Variants in ZNF814 observed in about 807,000 individuals in gnomAD.
The protein encoded by ZNF814 is zinc finger protein 814.
ZNF814 carries 5 observed loss-of-function variants against 7.5 expected under a neutral mutation model. The ratio of observed to expected loss-of-function variants is 0.67; its 90% CI spans 0.35 to 1.40. The LOEUF (loss-of-function observed/expected upper bound fraction) is 1.40, where lower values mean the gene tolerates loss of function less well. ZNF814 is among the 40% of genes most tolerant of loss of function. The pLI is 0.04. For missense variants in ZNF814, 962 were observed against 1,018.0 expected, an observed-to-expected ratio of 0.94 and a Z score of 0.75; for synonymous variants, 315 against 340.7, an observed-to-expected ratio of 0.92 and a Z score of 0.83.
At chr19:57,883,461 G>C (rs1454574759) in intron 1 of ZNF814, among the ~76,000 whole-genome samples, 1 of 151,564 alleles carries the variant, frequency 6.6e-6, no homozygotes, top group Non-Finnish European at 1.5e-5. Flanking sequence ...AAGAGATCGA[G>C]ACTATTCTGG....
At position 57,877,036 on chromosome 19, in the gene ZNF814, C is replaced by G. The variant is rs748131961; in HGVS notation, c.43G>C (p.Val15Leu). The change falls in exon 2 of 3, where the codon GTG becomes CTG. Residue 15 changes from valine (V) to leucine (L), a missense_variant. Coordinates refer to ENST00000435989, the MANE Select transcript of ZNF814 (RefSeq NM_001144989.2). ...TTCACAGCCACATCTTCAAAAGTCA[C>G]TGTGCCCTGTTATGATGTTGACAGA... ...ATLRLSAQGT[V>L]TFEDVAVNFT... 3 of 1,614,104 alleles carry G rather than the reference C, an allele frequency of 1.9e-6. No individual in the cohort carries two copies. In the Admixed American group the frequency reaches 5.0e-5, roughly 27 times the overall value.
upstream of ZNF814, among the ~76,000 whole-genome samples, chr19:57,889,709 A>G (rs1370919725): frequency 1.3e-5 from 2 of 152,128 alleles, no homozygotes; most frequent in African/African-American, 4.8e-5. Flanking sequence ...TACTAAAAAT[A>G]CAAAAATTAA....
At chr19:57,878,694 A>C (rs2122444021) in intron 1 of ZNF814, among the ~76,000 whole-genome samples, 1 of 152,206 alleles carries the variant, frequency 6.6e-6, no homozygotes, top group Non-Finnish European at 1.5e-5. Context: ...CCTGATGTCA[A>C]ATGATCCACC....
intron 1 of ZNF814, among the ~76,000 whole-genome samples, chr19:57,888,440 T>A (rs1179218232): frequency 1.3e-5 from 2 of 152,190 alleles, no homozygotes; most frequent in Non-Finnish European, 2.9e-5. Flanking sequence ...CCATGCCTTC[T>A]AGGGTCCTCA....
At chr19:57,904,274 C>T in the ZNF814 span, among the ~76,000 whole-genome samples, 11 of 152,194 alleles carry the variant, frequency 7.2e-5, no homozygotes, top group South Asian at 1.7e-3. Context: ...CACATCCGCA[C>T]GTCCTCTCCA....
At position 57,870,118 on chromosome 19, in the gene ZNF814, T is replaced by G. The variant is rs1380373092; in HGVS notation, c.*2704A>C. ...AGCTGGGTATGGTGGCGGGCACCTGTAGTCCCAGCTACTTGGGAGGCTGAG... is the reference window on the plus strand; with the variant it reads ...AGCTGGGTATGGTGGCGGGCACCTGGAGTCCCAGCTACTTGGGAGGCTGAG... On this transcript the variant is annotated 3_prime_UTR_variant, in exon 3 of 3. Coordinates refer to ENST00000435989, the MANE Select transcript of ZNF814 (RefSeq NM_001144989.2). 6.6e-6 allele frequency: 1 copy of G among 151,168 alleles called. No homozygotes were observed. Among genetic ancestry groups the G allele is most frequent in the African/African-American group, 2.4e-5 (1 of 41,014 alleles). 9.4% of individuals were successfully genotyped at this position (151,168 alleles called of 1,614,324 possible). A position where few individuals can be genotyped will look rare whatever the true frequency, so the allele number is the denominator to read the frequency against.
At position 57,873,069 on chromosome 19, in the gene ZNF814, C is replaced by T. The variant is rs962569677; in HGVS notation, c.2321G>A (p.Cys774Tyr). 3.8e-5 allele frequency: 61 copies of T among 1,613,826 alleles called. No individual in the cohort carries two copies. Among genetic ancestry groups the T allele is most frequent in the Non-Finnish European group, 4.8e-5 (57 of 1,179,952 alleles). The change falls in exon 3 of 3, where the codon TGC (cysteine) becomes TAC (tyrosine). Residue 774 changes from cysteine to tyrosine, a missense_variant. Transcript: ENST00000435989. ...RIHTGEKPYE[C>Y]SECGKSFAES... ...AGCGAAAGATTTTCCACATTCACTG[C>T]ACTCATAAGGCTTTTCTCCAGTGTG...
At chr19:57,894,882 C>T in the ZNF814 span, among the ~76,000 whole-genome samples, 5 of 151,852 alleles carry the variant, frequency 3.3e-5, no homozygotes, top group Non-Finnish European at 7.4e-5. Flanking sequence ...TCTTATTGCT[C>T]ATAGCTGTTA....
At chr19:57,875,289 A>C in intron 2 of ZNF814, 63 bp from the exon 3 acceptor site, 1 of 1,593,176 alleles carries the variant, frequency 6.3e-7, no homozygotes, top group East Asian at 2.2e-5. Flanking sequence ...CAGACCACCC[A>C]CAAGTGTATC....
At position 57,869,436 on chromosome 19, in the gene ZNF814, GTACTC is replaced by G. The variant is rs2071537001; in HGVS notation, c.*3381_*3385del. ...CATCTAACATTCCAGAAAATGGAAA[GTACTC>G]TACTGTACAGCAAAGTAAATCATTG... On this transcript the variant is annotated 3_prime_UTR_variant, in exon 3 of 3. Transcript: ENST00000435989. The G allele has an allele frequency of 2.0e-5, 3 of 151,712 alleles. No homozygotes were observed. The highest frequency in any genetic ancestry group is 7.3e-5 in the African/African-American group (3 of 41,358). The allele number at this position is 151,712 out of a possible 1,614,324, so 9.4% of individuals were successfully genotyped here. A position where few individuals can be genotyped will look rare whatever the true frequency, so the allele number is the denominator to read the frequency against.
At chr19:57,896,077 A>G in the ZNF814 span, among the ~76,000 whole-genome samples, 22 of 149,422 alleles carry the variant, frequency 1.5e-4, no homozygotes, top group African/African-American at 5.2e-4. The surrounding 1 kb of genome is among the most constrained non-coding windows in gnomAD (Gnocchi z 4.2). Context: ...GTTTGCACAG[A>G]GGGGTGCCTC....
At chr19:57,895,063 C>A in the ZNF814 span, among the ~76,000 whole-genome samples, 1 of 151,996 alleles carries the variant, frequency 6.6e-6, no homozygotes, top group Admixed American at 6.6e-5. Context: ...AGCAGAGCAA[C>A]CAAGAGATTG....
the ZNF814 span, among the ~76,000 whole-genome samples, chr19:57,903,480 G>C: frequency 6.6e-6 from 1 of 152,078 alleles, no homozygotes; most frequent in Admixed American, 6.6e-5. Context: ...TCCGATTTTT[G>C]CGTTACTCCT....
rs1462220926 is a variant in ZNF814 at position 57,873,886 on chromosome 19, T to TGA, written c.1502_1503dup (p.Gln503ValfsTer411). 6.3e-7 allele frequency: 1 copy of TGA among 1,599,630 alleles called. No homozygotes were observed. Among genetic ancestry groups the TGA allele is most frequent in the African/African-American group, 1.4e-5 (1 of 71,296 alleles). On this transcript the variant is annotated frameshift_variant, in exon 3 of 3. Coordinates refer to ENST00000435989, the MANE Select transcript of ZNF814 (RefSeq NM_001144989.2). LOFTEE classifies it low-confidence loss of function (END_TRUNC). ...TGTAGAACGAGGTTGCCCTTTTGAC[T>TGA]GAAAGATTTCCCACATTCTCCACAC...
At chr19:57,877,554 T>C (rs1444931592) in intron 1 of ZNF814, among the ~76,000 whole-genome samples, 1 of 152,148 alleles carries the variant, frequency 6.6e-6, no homozygotes, top group African/African-American at 2.4e-5. Context: ...GCAATTATCC[T>C]GCCTCAGCCT....
chr19:57,888,843 A>G lies in ZNF814; in HGVS notation c.-41T>C, dbSNP rs934837989. 1.3e-6 allele frequency: 2 copies of G among 1,550,744 alleles called. No homozygotes were observed. Among genetic ancestry groups the G allele is most frequent in the South Asian group, 1.2e-5 (1 of 84,018 alleles). ...TAAGCAGAGTCGGGAGGATAGGGCG[A>G]CCAGCCAGGAGATATGGGCACGACG... On this transcript the variant is annotated 5_prime_UTR_variant, in exon 1 of 3. Transcript: ENST00000435989.
upstream of ZNF814, among the ~76,000 whole-genome samples, chr19:57,889,656 G>C (rs1311185845): frequency 6.6e-6 from 1 of 152,202 alleles, no homozygotes; most frequent in African/African-American, 2.4e-5. Context: ...CCTGAGGTCA[G>C]GAGTTCAAGA....
Position 57,873,975 on chromosome 19 carries a change from G to C in ZNF814, c.1415C>G (p.Ser472Cys). The C allele has an allele frequency of 6.2e-7, 1 of 1,614,050 alleles. No individual in the cohort carries two copies. The highest frequency in any genetic ancestry group is 8.5e-7 in the Non-Finnish European group (1 of 1,179,996). Residue 472 changes from serine (S) to cysteine (C), a missense_variant, in exon 3 of 3, where the codon TCT becomes TGT. Ser to Cys is a moderately radical substitution (Grantham distance 112, BLOSUM62 -1). Coordinates refer to ENST00000435989, the MANE Select transcript of ZNF814 (RefSeq NM_001144989.2). ...AACAAGGCTGCGCTTATGACTGAAA[G>C]ATTTCACACATTCTCCACACTTGAA... Reference protein sequence around the residue: ...RPFKCGECVKSFSHKRSLVHH... With the variant: ...RPFKCGECVKCFSHKRSLVHH...
Position 57,873,468 on chromosome 19 carries a change from A to C in ZNF814, c.1922T>G (p.Phe641Cys). Residue 641 changes from phenylalanine to cysteine, a missense_variant, in exon 3 of 3, where the codon TTT becomes TGT. Physicochemically the swap from Phe to Cys is radical, Grantham distance 205. This residue lies in a region of ZNF814 where 665 missense variants were observed against 551.4 expected (regional missense o/e 1.21). Transcript: ENST00000435989. The stretch of plus-strand genomic sequence containing the variant: ...ATTCCTAAGGTGTCCTTTTTCATTA[A>C]AAGATTTCCCACAGTCTCCACACTT... ...PYKCGDCGKS[F>C]NEKGHLRNHQ... is the part of the protein sequence containing the mutation. 6.2e-7 allele frequency: 1 copy of C among 1,614,156 alleles called. No homozygotes were observed.
Sources: allele counts gnomAD v4.1 joint callset (sites outside exome capture counted in the v4.1 genomes callset), GRCh38; gene constraint gnomAD v4.1.1; regional missense constraint gnomAD v4.1.1; non-coding constraint Gnocchi (gnomAD v3.1); transcripts MANE v1.5; gene names NCBI Gene and HGNC (gene_info 2026-07-23, HGNC 2026-07-21).